The following GABBR2 variants were observed in gnomAD, a reference collection of about 807,000 sequenced individuals.
The protein encoded by GABBR2 is gamma-aminobutyric acid type B receptor subunit 2.
GABBR2 carries 23 observed loss-of-function variants against 105.6 expected under a neutral mutation model. The ratio of observed to expected loss-of-function variants is 0.22; its 90% CI spans 0.16 to 0.31. The LOEUF is 0.31. Ranked by LOEUF, GABBR2 falls within the 10% of genes least tolerant of loss-of-function variation. The pLI is 1.00. For synonymous variants in GABBR2, 478 were observed against 499.7 expected (o/e 0.96, Z 0.58); for missense variants, 734 against 1,245.5 (o/e 0.59, Z 6.18).
At chr9:98,684,566 C>T (rs566350369) in intron 1 of GABBR2, among the ~76,000 whole-genome samples, 16 of 152,242 alleles carry the variant, frequency 1.1e-4, no homozygotes, top group African/African-American at 3.9e-4. Context: ...ATGATATTGG[C>T]TATAATCCAA....
chr9:98,497,223 C>T (rs1024628994), intron 3 of GABBR2, among the ~76,000 whole-genome samples: 7 of 152,154 alleles, frequency 4.6e-5, no homozygotes, highest in South Asian at 2.1e-4. Flanking sequence ...GCCGTGATCA[C>T]GCCACCGTAC....
chr9:98,300,714 C>A (rs1830455357), intron 16 of GABBR2, among the ~76,000 whole-genome samples: 1 of 152,232 alleles, frequency 6.6e-6, no homozygotes, highest in African/African-American at 2.4e-5. Flanking sequence ...CTCTGACCTT[C>A]TCCTGTCCTT....
intron 4 of GABBR2, among the ~76,000 whole-genome samples, chr9:98,488,509 T>C (rs1827107067): frequency 6.6e-6 from 1 of 152,158 alleles, no homozygotes; most frequent in South Asian, 2.1e-4. Context: ...TTTTTAAGAG[T>C]AGAAAGCCTG....
chr9:98,376,522 G>C (rs1831876144), intron 11 of GABBR2, among the ~76,000 whole-genome samples: 1 of 152,172 alleles, frequency 6.6e-6, no homozygotes, highest in Admixed American at 6.5e-5. Context: ...TAGTGAGAAG[G>C]AGGGAAGAAA....
At chr9:98,706,109 C>CAAAAAAAAAAAAAA (rs3983388) in intron 1 of GABBR2, among the ~76,000 whole-genome samples, 4 of 136,988 alleles carry the variant, frequency 2.9e-5, no homozygotes, top group Admixed American at 1.4e-4. Flanking sequence ...ACAAAAAAAA[C>CAAAAAAAAAAAAAA]AAAAAAAAAA....
intron 3 of GABBR2, among the ~76,000 whole-genome samples, chr9:98,509,310 A>T (rs1827584988): frequency 6.6e-6 from 1 of 152,170 alleles, no homozygotes; most frequent in Non-Finnish European, 1.5e-5. Flanking sequence ...TAAAACCACA[A>T]AGATGGGAAA....
Position 98,294,059 on chromosome 9 carries a change from C to T in GABBR2, c.2543-157G>A, listed in dbSNP as rs570181537. On this transcript the variant is annotated intron_variant, in intron 17 of 18. Coordinates refer to ENST00000259455, the MANE Select transcript of GABBR2 (RefSeq NM_005458.8). ...AAGCTGAGGTCTGTGTAGTGGCTCTCCCGGGACCAAGGCGGTGAGCTGAGA... is the reference window on the plus strand; with the variant it reads ...AAGCTGAGGTCTGTGTAGTGGCTCTTCCGGGACCAAGGCGGTGAGCTGAGA... 5.9e-5 allele frequency among the ~76,000 whole-genome samples: 9 copies of T among 152,300 alleles called. No individual in the cohort carries two copies. The South Asian group carries it at 1.9e-3, about 32-fold the overall frequency.
chr9:98,539,025 G>T lies in GABBR2; in HGVS notation c.630+2848C>A, dbSNP rs117196480. On this transcript the variant is annotated intron_variant, in intron 3 of 18. Transcript: ENST00000259455. Reference sequence around the variant, plus strand: ...CCCTGAAACCCTGGCTGAGGGCCCCGACACGGCTGTGCAAGGGGAAAGATG... The same window carrying T: ...CCCTGAAACCCTGGCTGAGGGCCCCTACACGGCTGTGCAAGGGGAAAGATG... 9.9e-3 allele frequency among the ~76,000 whole-genome samples: 1,510 copies of T among 152,306 alleles called. 16 individuals are homozygous for T. The highest frequency in any genetic ancestry group is 0.033 in the South Asian group (157 of 4,818).
At chr9:98,540,450 C>G (rs753753344) in intron 3 of GABBR2, among the ~76,000 whole-genome samples, 2 of 152,226 alleles carry the variant, frequency 1.3e-5, no homozygotes, top group Non-Finnish European at 2.9e-5. Context: ...CAAGGTCACA[C>G]AGCCAATGTA....
At chr9:98,643,395 G>A (rs754971456) in intron 1 of GABBR2, among the ~76,000 whole-genome samples, 7 of 152,240 alleles carry the variant, frequency 4.6e-5, no homozygotes, top group Non-Finnish European at 1.0e-4. Context: ...TGCCCACACA[G>A]GCACACAGAG....
At chr9:98,696,157 C>G (rs1372397902) in intron 1 of GABBR2, among the ~76,000 whole-genome samples, 2 of 152,146 alleles carry the variant, frequency 1.3e-5, no homozygotes, top group South Asian at 4.1e-4. Flanking sequence ...TGGATTTTGC[C>G]TAATCGGGGA....
At chr9:98,468,465 AG>A (rs1468101340) in intron 6 of GABBR2, among the ~76,000 whole-genome samples, 4 of 152,222 alleles carry the variant, frequency 2.6e-5, no homozygotes, top group African/African-American at 9.6e-5. Context: ...CACTAATTTC[AG>A]GTACAAAATT....
At chr9:98,299,102 T>G in intron 17 of GABBR2, 122 bp downstream of exon 17, 1 of 822,540 alleles carries the variant, frequency 1.2e-6, no homozygotes, top group South Asian at 1.6e-5. Context: ...TCTGTGTGTG[T>G]GACTTCATAC....
At position 98,636,288 on chromosome 9, in the gene GABBR2, G is replaced by A. The variant is rs139366869; in HGVS notation, c.322-58216C>T. Reference sequence around the variant, plus strand: ...AGGCAGAGCAGTGGCTTCTGGGGCTGCCACTCTCCCCCTGAGCCTCAGAGT... The same window carrying A: ...AGGCAGAGCAGTGGCTTCTGGGGCTACCACTCTCCCCCTGAGCCTCAGAGT... On this transcript the variant is annotated intron_variant, in intron 1 of 18. Coordinates refer to ENST00000259455, the MANE Select transcript of GABBR2 (RefSeq NM_005458.8). Among the ~76,000 whole-genome samples, 16 of 152,240 alleles carry A rather than the reference G, an allele frequency of 1.1e-4. No individual in the cohort carries two copies. The East Asian group carries it at 2.7e-3, about 26-fold the overall frequency.
At chr9:98,425,652 T>C (rs1006106418) in intron 7 of GABBR2, among the ~76,000 whole-genome samples, 1 of 152,204 alleles carries the variant, frequency 6.6e-6, no homozygotes, top group Non-Finnish European at 1.5e-5. Context: ...TGGTGGATAT[T>C]ACCACCTTCC....
intron 1 of GABBR2, among the ~76,000 whole-genome samples, chr9:98,681,290 T>C (rs561826739): frequency 2.3e-4 from 22 of 93,760 alleles, no homozygotes; most frequent in Admixed American, 8.9e-4. Flanking sequence ...ATGTCCTTTG[T>C]AGGGACATGG....
chr9:98,622,310 G>A (rs1000676460), intron 1 of GABBR2, among the ~76,000 whole-genome samples: 26 of 151,908 alleles, frequency 1.7e-4, no homozygotes, highest in Admixed American at 2.0e-4. Flanking sequence ...GACTATAGGC[G>A]CACATTGCTA....
chr9:98,403,047 G>A (rs1457160702), intron 8 of GABBR2, among the ~76,000 whole-genome samples: 1 of 152,118 alleles, frequency 6.6e-6, no homozygotes, highest in Non-Finnish European at 1.5e-5. Flanking sequence ...TGTAATCTCA[G>A]CACTTTGGGA....
chr9:98,681,920 T>C (rs1270465738), intron 1 of GABBR2, among the ~76,000 whole-genome samples: 2 of 152,126 alleles, frequency 1.3e-5, no homozygotes, highest in Non-Finnish European at 2.9e-5. Flanking sequence ...TATGTGAAGA[T>C]GTTTAAAACC....
Sources: gnomAD v4.1 joint callset for allele counts (sites outside exome capture counted in the v4.1 genomes callset) on GRCh38, gnomAD v4.1.1 for gene constraint, MANE v1.5 for transcripts, NCBI Gene and HGNC (gene_info 2026-07-23, HGNC 2026-07-21) for gene names.